TGFBR2: variants seen among roughly 807,000 people sequenced by gnomAD.
TGFBR2 encodes TGF-beta receptor type-2.
Under a neutral mutation model 49.0 loss-of-function variants are expected in TGFBR2, and 18 were observed. That is an observed-to-expected ratio of 0.37 (90% CI 0.25 to 0.54). The LOEUF (loss-of-function observed/expected upper bound fraction) is 0.54. Ranked by LOEUF, TGFBR2 falls within the 20% of genes least tolerant of loss-of-function variation. TGFBR2 has a pLI of 0.85. For synonymous variants in TGFBR2, 282 were observed against 275.9 expected (o/e 1.02, Z -0.22); for missense variants, 525 against 722.6 (o/e 0.73, Z 3.13).
chr3:30,673,445 G>A (rs1056240740), intron 4 of TGFBR2, among the ~76,000 whole-genome samples: 1 of 152,092 alleles, frequency 6.6e-6, no homozygotes, highest in African/African-American at 2.4e-5. Context: ...ATATGGATCC[G>A]ACGTTTGCAT....
chr3:30,641,925 C>T (rs1477968768), intron 1 of TGFBR2, among the ~76,000 whole-genome samples: 1 of 151,972 alleles, frequency 6.6e-6, no homozygotes, highest in Non-Finnish European at 1.5e-5. Flanking sequence ...CTCTCTCTCT[C>T]CCTACATCCT....
chr3:30,662,972 G>C (rs1387329601), intron 3 of TGFBR2, among the ~76,000 whole-genome samples: 1 of 152,188 alleles, frequency 6.6e-6, no homozygotes, highest in Non-Finnish European at 1.5e-5. Context: ...GATTCAGTTA[G>C]TTGAGGACAG....
Position 30,644,761 on chromosome 3 carries a change from A to G in TGFBR2, c.109A>G (p.Ile37Val), listed in dbSNP as rs969666859. 2.5e-6 allele frequency: 4 copies of G among 1,613,990 alleles called. No individual in the cohort carries two copies. The highest frequency in any genetic ancestry group is 2.7e-5 in the African/African-American group (2 of 74,926). ...HVQKSVNNDM[I>V]VTDNNGAVKF... is the part of the protein sequence containing the mutation. ...TCTCTCCTCAGTTAATAACGACATG[A>G]TAGTCACTGACAACAACGGTGCAGT... The change falls in exon 2 of 7, where the codon ATA (isoleucine) becomes GTA (valine). Residue 37 changes from isoleucine to valine, a missense_variant. Ile to Val is a conservative substitution (Grantham distance 29, BLOSUM62 3). Coordinates refer to ENST00000295754, the MANE Select transcript of TGFBR2 (RefSeq NM_003242.6).
intron 1 of TGFBR2, among the ~76,000 whole-genome samples, chr3:30,621,925 GCTTTGTTACTC>G (rs1166436003): frequency 6.6e-6 from 1 of 152,126 alleles, no homozygotes; most frequent in African/African-American, 2.4e-5. Context: ...AAGCCTATTG[GCTTTGTTACTC>G]CCAAGGTATA....
At chr3:30,651,533 C>T (rs1333233705) in intron 3 of TGFBR2, among the ~76,000 whole-genome samples, 1 of 152,208 alleles carries the variant, frequency 6.6e-6, no homozygotes, top group Non-Finnish European at 1.5e-5. Flanking sequence ...CAAGATAGAA[C>T]ACATAGATAT....
chr3:30,629,407 A>G (rs1698396004), intron 1 of TGFBR2, among the ~76,000 whole-genome samples: 1 of 152,056 alleles, frequency 6.6e-6, no homozygotes, highest in Non-Finnish European at 1.5e-5. Context: ...GGAAAGAAGA[A>G]CTCTCTTTGA....
At chr3:30,655,982 G>A (rs747713259) in intron 3 of TGFBR2, among the ~76,000 whole-genome samples, 22 of 152,192 alleles carry the variant, frequency 1.4e-4, no homozygotes, top group African/African-American at 4.8e-4. Flanking sequence ...TATTGCATTA[G>A]CATCTGCCTG....
intron 3 of TGFBR2, among the ~76,000 whole-genome samples, chr3:30,667,125 G>A (rs1022718714): frequency 2.2e-4 from 33 of 151,920 alleles, no homozygotes; most frequent in African/African-American, 8.0e-4. Flanking sequence ...TGTAAAATGG[G>A]GTTTATAATA....
At chr3:30,619,847 A>G (rs1200633399) in intron 1 of TGFBR2, among the ~76,000 whole-genome samples, 1 of 152,008 alleles carries the variant, frequency 6.6e-6, no homozygotes, top group Non-Finnish European at 1.5e-5. Context: ...ATTCTCATTC[A>G]TATGACCTTG....
chr3:30,691,511 G>A lies in TGFBR2; in HGVS notation c.1616G>A (p.Ser539Asn), dbSNP rs1035228561. The A allele has an allele frequency of 6.2e-6, 10 of 1,614,186 alleles. No homozygotes were observed. The highest frequency in any genetic ancestry group is 8.5e-6 in the Non-Finnish European group (10 of 1,180,018). Residue 539 changes from serine (S) to asparagine (N), a missense_variant, in exon 7 of 7, where the codon AGT becomes AAT. Ser to Asn is a conservative substitution (Grantham distance 46). Around this residue, in one of 3 missense-constraint regions of TGFBR2, gnomAD observed 104 missense variants for 133.4 expected, o/e 0.78. Transcript: ENST00000295754. ...GCCCAGTGTGTGGCAGAACGCTTCA[G>A]TGAGCTGGAGCATCTGGACAGGCTC... Reference protein sequence around the residue: ...LTAQCVAERFSELEHLDRLSG... With the variant: ...LTAQCVAERFNELEHLDRLSG...
At chr3:30,637,369 G>A (rs1698556002) in intron 1 of TGFBR2, among the ~76,000 whole-genome samples, 2 of 152,200 alleles carry the variant, frequency 1.3e-5, no homozygotes, top group Non-Finnish European at 2.9e-5. Context: ...ACCTCCAAGT[G>A]AGGGACTTGG....
intron 6 of TGFBR2, among the ~76,000 whole-genome samples, chr3:30,690,782 A>G (rs1174131893): frequency 6.6e-6 from 1 of 152,222 alleles, no homozygotes; most frequent in Non-Finnish European, 1.5e-5. Context: ...CAGAGAAACT[A>G]TTCCGCATGA....
intron 1 of TGFBR2, among the ~76,000 whole-genome samples, chr3:30,624,263 A>G (rs975317324): frequency 1.3e-5 from 2 of 152,198 alleles, no homozygotes; most frequent in African/African-American, 2.4e-5. Flanking sequence ...AAAAGAAGGT[A>G]TACATTGAAG....
chr3:30,641,864 C>T (rs1437487077), intron 1 of TGFBR2, among the ~76,000 whole-genome samples: 2 of 152,028 alleles, frequency 1.3e-5, no homozygotes, highest in Admixed American at 6.6e-5. Flanking sequence ...GACCTTCTCT[C>T]TCTTTCTCTC....
At chr3:30,648,419 TACACACACACACACACACAC>T (rs35473576) in intron 2 of TGFBR2, among the ~76,000 whole-genome samples, 11 of 115,516 alleles carry the variant, frequency 9.5e-5, no homozygotes, top group African/African-American at 2.8e-4. Context: ...AAAAACAACC[TACACACACACACACACACAC>T]ACACACACAC....
intron 3 of TGFBR2, among the ~76,000 whole-genome samples, chr3:30,660,823 CCAA>C (rs1699108849): frequency 6.6e-6 from 1 of 152,142 alleles, no homozygotes; most frequent in African/African-American, 2.4e-5. Flanking sequence ...CTTAATGTGT[CCAA>C]AAGGTTGGAT....
rs1355695896 is a variant in TGFBR2 at position 30,635,581 on chromosome 3, T to C, written c.95-9166T>C. The stretch of plus-strand genomic sequence containing the variant: ...AATTATTTTTCCGTTCAGCTACAGC[T>C]TGTTTCATTCCGTAGAAGACTAAAA... On this transcript the variant is annotated intron_variant, in intron 1 of 6. Transcript: ENST00000295754. Among the ~76,000 whole-genome samples, 3 of 152,240 alleles carry C rather than the reference T, an allele frequency of 2.0e-5. No individual in the cohort carries two copies. In the East Asian group the frequency reaches 5.8e-4, roughly 29 times the overall value.
At chr3:30,606,379 G>A (rs565226550), upstream of TGFBR2, 4 of 227,768 alleles carry the variant, frequency 1.8e-5, no homozygotes, top group African/African-American at 6.7e-5. Context: ...TACTTGGAGC[G>A]AGGAACTCCT....
Position 30,694,004 on chromosome 3 carries a change from T to G in TGFBR2, c.*2405T>G, listed in dbSNP as rs1373703229. Reference sequence around the variant, plus strand: ...AGGAATGTGAATGCTATATACTCTTTTTATATCAAAAGTCTCAAGCACTTA... The same window carrying G: ...AGGAATGTGAATGCTATATACTCTTGTTATATCAAAAGTCTCAAGCACTTA... On this transcript the variant is annotated 3_prime_UTR_variant, in exon 7 of 7. Transcript: ENST00000295754. 4.3e-6 allele frequency: 1 copy of G among 229,984 alleles called. No individual in the cohort carries two copies. The highest frequency in any genetic ancestry group is 2.2e-5 in the African/African-American group (1 of 45,156). The allele number at this position is 229,984 out of a possible 1,614,324, so 14.2% of individuals were successfully genotyped here. A position where few individuals can be genotyped will look rare whatever the true frequency, so the allele number is the denominator to read the frequency against.
Sources: gnomAD v4.1 joint callset for allele counts (sites outside exome capture counted in the v4.1 genomes callset) on GRCh38, gnomAD v4.1.1 for gene constraint, gnomAD v4.1.1 regional missense constraint, MANE v1.5 for transcripts, NCBI Gene and HGNC (gene_info 2026-07-23, HGNC 2026-07-21) for gene names.